Variants in ROBO2 observed in about 807,000 individuals in gnomAD.
The protein encoded by ROBO2 is roundabout guidance receptor 2.
Under a neutral mutation model 160.8 loss-of-function variants are expected in ROBO2, and 53 were observed. The ratio of observed to expected loss-of-function variants is 0.33; its 90% CI spans 0.26 to 0.41. ROBO2 has a LOEUF of 0.41. Ranked by LOEUF, ROBO2 falls within the 10% of genes least tolerant of loss-of-function variation. ROBO2 has a pLI of 1.00. For missense variants in ROBO2, 1,577 were observed against 1,722.4 expected (o/e 0.92, Z 1.49); for synonymous variants, 664 against 611.7 (o/e 1.09, Z -1.26).
intron 2 of ROBO2, among the ~76,000 whole-genome samples, chr3:76,771,088 G>C (rs1344997943): frequency 6.6e-6 from 1 of 151,226 alleles, no homozygotes; most frequent in African/African-American, 2.4e-5. Context: ...AAAAGACAGG[G>C]TTTGTGACAG....
At chr3:77,265,217 A>G (rs1467827343) in intron 2 of ROBO2, among the ~76,000 whole-genome samples, 1 of 152,180 alleles carries the variant, frequency 6.6e-6, no homozygotes, top group East Asian at 1.9e-4. Flanking sequence ...GGCATCTGCG[A>G]CCAGAAAATG....
At position 77,193,448 on chromosome 3, in the gene ROBO2, G is replaced by GTTTTT. The variant is rs552295952; in HGVS notation, c.388+95118_388+95122dup. ...ATAGTACACCACCATGCCCAGCTAA[G>GTTTTT]TTTTTTTTTTTTTTAAAGACAGGGT... On this transcript the variant is annotated intron_variant, in intron 2 of 25. Transcript: ENST00000461745. Among the ~76,000 whole-genome samples, 105 of 121,612 alleles carry GTTTTT rather than the reference G, an allele frequency of 8.6e-4. 3 individuals carry two copies. The highest frequency in any genetic ancestry group is 4.5e-3 in the Middle Eastern group (1 of 220). The allele number at this position is 121,612 out of a possible 152,430, so 79.8% of individuals were successfully genotyped here.
chr3:77,474,740 C>G (rs1381109780), intron 2 of ROBO2, among the ~76,000 whole-genome samples: 1 of 151,636 alleles, frequency 6.6e-6, no homozygotes, highest in Non-Finnish European at 1.5e-5. Flanking sequence ...TTTACCAGAC[C>G]ATTTTAGTTC....
At chr3:77,402,558 G>A (rs1187240278) in intron 2 of ROBO2, among the ~76,000 whole-genome samples, 1 of 152,112 alleles carries the variant, frequency 6.6e-6, no homozygotes, top group Non-Finnish European at 1.5e-5. Context: ...TCAGGAGTTG[G>A]GTGAATGGGC....
intron 2 of ROBO2, among the ~76,000 whole-genome samples, chr3:76,805,964 T>C (rs1188219916): frequency 6.6e-6 from 1 of 151,984 alleles, no homozygotes; most frequent in East Asian, 1.9e-4. Context: ...AGATTACATC[T>C]AGTCTTCTTC....
rs376557369 is a variant in ROBO2 at position 76,704,639 on chromosome 3, A to G, written c.110-393375A>G. Among the ~76,000 whole-genome samples the G allele has an allele frequency of 2.6e-4, 40 of 152,264 alleles. 1 individual carries two copies. In the South Asian group the frequency reaches 8.3e-3, roughly 32 times the overall value. ...TTTCCATGCTTGGGTCCTAGGGATAAGGAACCCACTACTGCAGATTGGGCT... is the reference window on the plus strand; with the variant it reads ...TTTCCATGCTTGGGTCCTAGGGATAGGGAACCCACTACTGCAGATTGGGCT... On this transcript the variant is annotated intron_variant, in intron 2 of 26. Transcript: ENST00000487694.
At chr3:77,563,298 C>G (rs1177989181) in exon 11 of ROBO2, 1 of 1,613,434 alleles carries the variant, frequency 6.2e-7, no homozygotes, top group East Asian at 2.2e-5. Context: ...TGGAACCCTT[C>G]CAGCAAGTGC....
At chr3:76,740,419 T>C (rs1012446098) in intron 2 of ROBO2, among the ~76,000 whole-genome samples, 1 of 152,182 alleles carries the variant, frequency 6.6e-6, no homozygotes, top group Admixed American at 6.5e-5. Context: ...GGCTTATTCT[T>C]TAGAAAGTAG....
chr3:76,745,071 G>C (rs188467726), intron 2 of ROBO2, among the ~76,000 whole-genome samples: 5 of 152,046 alleles, frequency 3.3e-5, no homozygotes, highest in African/African-American at 1.2e-4. Flanking sequence ...AAAAGTGCAC[G>C]TGACTTTCAA....
intron 2 of ROBO2, among the ~76,000 whole-genome samples, chr3:77,120,576 G>A (rs6809747): frequency 0.2 from 30,310 of 152,134 alleles, 4,637 homozygotes; most frequent in African/African-American, 0.42. Flanking sequence ...TTAGCCTGAC[G>A]TCGTTATGCT....
chr3:76,060,242 G>A lies in ROBO2; in HGVS notation c.109+122640G>A, dbSNP rs114762013. On this transcript the variant is annotated intron_variant, in intron 2 of 26. Coordinates refer to the ROBO2 transcript ENST00000487694. ...ATTAGCAATCACATCTATGCTGAAT[G>A]TTCATTCATATATAAATTAAAAAGC... 3.1e-3 allele frequency among the ~76,000 whole-genome samples: 469 copies of A among 152,094 alleles called. 5 individuals carry two copies. Among genetic ancestry groups the A allele is most frequent in the African/African-American group, 0.011 (452 of 41,484 alleles).
At chr3:76,334,700 C>T (rs1292272574) in intron 2 of ROBO2, among the ~76,000 whole-genome samples, 3 of 152,084 alleles carry the variant, frequency 2.0e-5, no homozygotes, top group African/African-American at 4.8e-5. Context: ...ATCTAAGTGT[C>T]GGTGTTTCTC....
At chr3:76,152,017 A>G (rs1205454931) in intron 2 of ROBO2, among the ~76,000 whole-genome samples, 1 of 152,202 alleles carries the variant, frequency 6.6e-6, no homozygotes, top group Non-Finnish European at 1.5e-5. Context: ...CTGATCTTGA[A>G]AAGTTTAGTT....
intron 2 of ROBO2, among the ~76,000 whole-genome samples, chr3:76,457,015 A>T (rs769948655): frequency 2.6e-5 from 4 of 152,150 alleles, no homozygotes; most frequent in Non-Finnish European, 5.9e-5. Context: ...GGGACATACA[A>T]TTCAAGATGA....
rs116635007 is a variant in ROBO2, at chr3:76,760,310, A to T, written c.110-337704A>T. Among the ~76,000 whole-genome samples the T allele has an allele frequency of 9.1e-3, 1,376 of 151,812 alleles. 18 individuals are homozygous for T. The highest frequency in any genetic ancestry group is 0.031 in the African/African-American group (1,305 of 41,490). On this transcript the variant is annotated intron_variant, in intron 2 of 26. Coordinates refer to the ROBO2 transcript ENST00000487694. ...GAAAGTAGTATCCTCTATTTTTCCT[A>T]TTGTAAAATAGTTTCTGATTACCTG... is the stretch of plus-strand genomic sequence containing the variant.
At chr3:76,170,046 C>G (rs918144009) in intron 2 of ROBO2, among the ~76,000 whole-genome samples, 2 of 152,188 alleles carry the variant, frequency 1.3e-5, no homozygotes, top group African/African-American at 2.4e-5. Flanking sequence ...TCCCAACGTG[C>G]TGGGATTACA....
At chr3:77,552,403 G>C (rs969365926) in intron 8 of ROBO2, among the ~76,000 whole-genome samples, 6 of 152,002 alleles carry the variant, frequency 3.9e-5, no homozygotes, top group Non-Finnish European at 8.8e-5. Context: ...AAGCAAAGTT[G>C]ATGAACTAGA....
At chr3:76,110,840 G>T (rs1377666244) in intron 2 of ROBO2, among the ~76,000 whole-genome samples, 1 of 152,026 alleles carries the variant, frequency 6.6e-6, no homozygotes, top group Non-Finnish European at 1.5e-5. Flanking sequence ...ATTTTGAAAG[G>T]TCTGTTAATC....
intron 2 of ROBO2, among the ~76,000 whole-genome samples, chr3:76,532,061 G>A (rs918193577): frequency 1.3e-5 from 2 of 152,010 alleles, no homozygotes; most frequent in African/African-American, 2.4e-5. Flanking sequence ...TTCCTCTTAC[G>A]CCCTGCCTCT....
Sources: allele counts gnomAD v4.1 joint callset (sites outside exome capture counted in the v4.1 genomes callset), GRCh38; gene constraint gnomAD v4.1.1; transcripts MANE v1.5; gene names NCBI Gene and HGNC (gene_info 2026-07-23, HGNC 2026-07-21).